UBASH3B: variants seen among roughly 807,000 people sequenced by gnomAD.
UBASH3B encodes ubiquitin associated and SH3 domain containing B.
Under a neutral mutation model 83.4 loss-of-function variants are expected in UBASH3B, and 37 were observed. The observed-to-expected ratio is 0.44, with a 90% CI of 0.34 to 0.58. The LOEUF (loss-of-function observed/expected upper bound fraction) is 0.58. Ranked by LOEUF, UBASH3B falls within the 20% of genes least tolerant of loss-of-function variation. UBASH3B has a pLI of 0.01. For synonymous variants in UBASH3B, 304 were observed against 318.3 expected (o/e 0.96, Z 0.48); for missense variants, 657 against 827.2 (o/e 0.79, Z 2.52).
chr11:122,809,788 G>T lies in UBASH3B; in HGVS notation c.1852G>T (p.Glu618Ter). ...LGFCSCEELG[E>*]TGIWQLTDPP... is the part of the protein sequence containing the mutation. ...ATTTTGTTCCTGTGAAGAATTAGGA[G>T]AAACTGGAATATGGCAGCTGACAGA... The change falls in exon 14 of 14, where the codon GAA (glutamate) becomes TAA (stop). Residue 618 changes from glutamate (E) to a stop codon, truncating the protein, a stop_gained. Coordinates refer to ENST00000284273, the MANE Select transcript of UBASH3B (RefSeq NM_032873.5). LOFTEE classifies it high-confidence loss of function. The T allele has an allele frequency of 1.2e-6, 2 of 1,614,168 alleles. No homozygotes were observed. Among genetic ancestry groups the T allele is most frequent in the African/African-American group, 1.3e-5 (1 of 75,046 alleles).
chr11:122,656,719 C>A (rs1479320266), intron 1 of UBASH3B, among the ~76,000 whole-genome samples: 1 of 152,170 alleles, frequency 6.6e-6, no homozygotes, highest in Non-Finnish European at 1.5e-5. Context: ...ATGTCGCTCT[C>A]GGGTTCGGTC....
intron 1 of UBASH3B, among the ~76,000 whole-genome samples, chr11:122,676,648 T>G (rs1468386868): frequency 6.6e-6 from 1 of 152,204 alleles, no homozygotes; most frequent in Non-Finnish European, 1.5e-5. Context: ...AGATGGAGGT[T>G]GCAGTGAGCC....
At position 122,799,106 on chromosome 11, in the gene UBASH3B, C is replaced by G. The variant is rs1861205902; in HGVS notation, c.1450+72C>G. The G allele has an allele frequency of 1.6e-5, 21 of 1,279,394 alleles. No homozygotes were observed. In the South Asian group the frequency reaches 2.5e-4, roughly 15 times the overall value. 79.3% of individuals were successfully genotyped at this position (1,279,394 alleles called of 1,614,324 possible). On this transcript the variant is annotated intron_variant, in intron 10 of 13. Coordinates refer to ENST00000284273, the MANE Select transcript of UBASH3B (RefSeq NM_032873.5). ...CTAGGCAGCCCCACACATAAATTATCTTAGAGCCATGGGACATTTGCCAGT... is the reference window on the plus strand; with the variant it reads ...CTAGGCAGCCCCACACATAAATTATGTTAGAGCCATGGGACATTTGCCAGT...
Position 122,725,988 on chromosome 11 carries a change from G to A in UBASH3B, c.162-50231G>A, listed in dbSNP as rs138063610. Among the ~76,000 whole-genome samples, 837 of 152,100 alleles carry A rather than the reference G, an allele frequency of 5.5e-3. 4 individuals carry two copies. Among genetic ancestry groups the A allele is most frequent in the African/African-American group, 0.018 (767 of 41,472 alleles). On this transcript the variant is annotated intron_variant, in intron 1 of 13. Coordinates refer to ENST00000284273, the MANE Select transcript of UBASH3B (RefSeq NM_032873.5). ...ATTACAGGCGTGAGCCACTGCACCC[G>A]GCCCCTTGTTTCATTTTTCTATAGA...
intron 1 of UBASH3B, among the ~76,000 whole-genome samples, chr11:122,715,104 C>G (rs1860495288): frequency 1.3e-5 from 2 of 152,136 alleles, no homozygotes; most frequent in South Asian, 4.1e-4. Flanking sequence ...CACTACCACA[C>G]CCGGCTAATT....
chr11:122,747,649 G>A (rs773826647), intron 1 of UBASH3B, among the ~76,000 whole-genome samples: 60 of 152,192 alleles, frequency 3.9e-4, no homozygotes, highest in Non-Finnish European at 7.2e-4. Context: ...GTTCCTGTAC[G>A]TTTGGAGACA....
At chr11:122,733,740 G>A (rs753211035) in intron 1 of UBASH3B, among the ~76,000 whole-genome samples, 8 of 152,180 alleles carry the variant, frequency 5.3e-5, no homozygotes, top group Non-Finnish European at 1.2e-4. Flanking sequence ...GGTATGTATA[G>A]CACTGCATGA....
intron 7 of UBASH3B, among the ~76,000 whole-genome samples, chr11:122,795,407 C>T (rs1861138075): frequency 1.3e-5 from 2 of 152,116 alleles, no homozygotes; most frequent in Non-Finnish European, 2.9e-5. Flanking sequence ...ACATATTAAC[C>T]ACGTCAGGGC....
chr11:122,751,023 C>T (rs1453850544), intron 1 of UBASH3B, among the ~76,000 whole-genome samples: 1 of 152,182 alleles, frequency 6.6e-6, no homozygotes, highest in Non-Finnish European at 1.5e-5. Context: ...CATTTCAGTG[C>T]CTGACAAGAC....
chr11:122,734,492 G>A (rs1016495295), intron 1 of UBASH3B, among the ~76,000 whole-genome samples: 1 of 152,058 alleles, frequency 6.6e-6, no homozygotes, highest in African/African-American at 2.4e-5. Context: ...ATACCACTAG[G>A]GTGGGAACTG....
At chr11:122,698,101 GAAT>G (rs1863985933) in intron 1 of UBASH3B, among the ~76,000 whole-genome samples, 1 of 152,176 alleles carries the variant, frequency 6.6e-6, no homozygotes, top group Non-Finnish European at 1.5e-5. Flanking sequence ...CAGGGTGGTG[GAAT>G]GACTGCTCTG....
At chr11:122,721,647 A>G (rs569296680) in intron 1 of UBASH3B, among the ~76,000 whole-genome samples, 4 of 152,246 alleles carry the variant, frequency 2.6e-5, no homozygotes, top group African/African-American at 9.6e-5. Context: ...ATTTAAAGTT[A>G]TTTCCAGTGG....
chr11:122,733,983 C>A (rs1382373509), intron 1 of UBASH3B, among the ~76,000 whole-genome samples: 1 of 151,984 alleles, frequency 6.6e-6, no homozygotes, highest in East Asian at 1.9e-4. Context: ...CCTCCTGTGT[C>A]CAAGCAATTC....
chr11:122,756,124 C>G (rs1478915255), intron 1 of UBASH3B, among the ~76,000 whole-genome samples: 1 of 152,152 alleles, frequency 6.6e-6, no homozygotes, highest in Non-Finnish European at 1.5e-5. Flanking sequence ...TATTCAGGGG[C>G]AGCATTTGAG....
chr11:122,767,935 C>T (rs1981408), intron 1 of UBASH3B, among the ~76,000 whole-genome samples: 80,513 of 152,012 alleles, frequency 0.53, 21,504 homozygotes, highest in African/African-American at 0.59. Context: ...GATGTCTCTG[C>T]GTTTATTTGG....
chr11:122,784,715 G>A (rs1860917427), intron 5 of UBASH3B, among the ~76,000 whole-genome samples: 1 of 152,204 alleles, frequency 6.6e-6, no homozygotes, highest in African/African-American at 2.4e-5. Flanking sequence ...CAAGCTCATT[G>A]TTTTGGAAGT....
chr11:122,774,183 T>C, intron 1 of UBASH3B: 1 of 985,370 alleles, frequency 1.0e-6, no homozygotes, highest in Non-Finnish European at 1.2e-6. Context: ...TGTGGGTCTC[T>C]GTGCTTCCAG....
rs942880742 is a variant in UBASH3B, at chr11:122,806,300, C to T, written c.1596-110C>T. ...CTTTCTAGGGAAATGGATAAACAAA[C>T]AGATCTACGGGATCTTTAGAAATGC... is the stretch of plus-strand genomic sequence containing the variant. On this transcript the variant is annotated intron_variant, in intron 11 of 13. Transcript: ENST00000284273. This position sits in a 1 kb window ranked among gnomAD's most constrained non-coding sequence, Gnocchi z 4.0. 7 of 905,158 alleles carry T rather than the reference C, an allele frequency of 7.7e-6. No individual in the cohort carries two copies. The highest frequency in any genetic ancestry group is 6.9e-5 in the African/African-American group (4 of 58,330). The allele number at this position is 905,158 out of a possible 1,614,324, so 56.1% of individuals were successfully genotyped here. A position where few individuals can be genotyped will look rare whatever the true frequency, so the allele number is the denominator to read the frequency against.
At chr11:122,796,107 G>A (rs1382368660) in intron 7 of UBASH3B, 49 bp from the exon 8 acceptor site, 1 of 1,606,066 alleles carries the variant, frequency 6.2e-7, no homozygotes. Context: ...TCCAAGACAT[G>A]TCCACTTTGC....
Sources: gnomAD v4.1 joint callset for allele counts (sites outside exome capture counted in the v4.1 genomes callset) on GRCh38, gnomAD v4.1.1 for gene constraint, Gnocchi (gnomAD v3.1) non-coding constraint, MANE v1.5 for transcripts, NCBI Gene and HGNC (gene_info 2026-07-23, HGNC 2026-07-21) for gene names.